Variants in NAV2 observed in about 807,000 individuals in gnomAD.
The protein encoded by NAV2 is helicase, APC down-regulated 1.
NAV2 carries 54 observed loss-of-function variants against 223.2 expected under a neutral mutation model. That is an observed-to-expected ratio of 0.24 (90% CI 0.19 to 0.30). The LOEUF is 0.30. Among genes scored for constraint, NAV2 ranks in the 10% least tolerant of loss-of-function variants. The probability of loss-of-function intolerance (pLI) is 1.00; values close to 1 mark genes in which losing one functional copy is unlikely to be tolerated. For missense variants in NAV2, 2,806 were observed against 3,147.5 expected, an observed-to-expected ratio of 0.89 and a Z score of 2.60; for synonymous variants, 1,279 against 1,239.3, an observed-to-expected ratio of 1.03 and a Z score of -0.67.
At chr11:20,006,266 A>G (rs541576827) in intron 11 of NAV2, among the ~76,000 whole-genome samples, 65 of 152,278 alleles carry the variant, frequency 4.3e-4, no homozygotes, top group African/African-American at 1.6e-3. Context: ...TATTCTGGAG[A>G]TAAGGGCCTC....
chr11:19,674,542 G>A (rs2048663865), intron 1 of NAV2, among the ~76,000 whole-genome samples: 1 of 152,194 alleles, frequency 6.6e-6, no homozygotes, highest in Non-Finnish European at 1.5e-5. Flanking sequence ...CTCAAGTGTT[G>A]TCACGGGCCA....
intron 12 of NAV2, among the ~76,000 whole-genome samples, chr11:20,039,127 G>A (rs1043367772): frequency 8.5e-5 from 13 of 152,188 alleles, no homozygotes; most frequent in Non-Finnish European, 1.6e-4. Context: ...CTCCAGGAGA[G>A]CTGGTGAGTC....
chr11:19,592,581 A>G lies in NAV2; in HGVS notation c.76-239903A>G, dbSNP rs529505378. On this transcript the variant is annotated intron_variant, in intron 1 of 37. Transcript: ENST00000360655. ...GTTGAATGTTTGGGGGAAGTCCATG[A>G]ACTTGGGCTTTTTAATTCCTAGGTC... Among the ~76,000 whole-genome samples, 6 of 152,218 alleles carry G rather than the reference A, an allele frequency of 3.9e-5. No individual in the cohort carries two copies. In the East Asian group the frequency reaches 1.2e-3, roughly 29 times the overall value.
At chr11:19,910,172 A>G (rs986137737) in intron 6 of NAV2, among the ~76,000 whole-genome samples, 10 of 152,370 alleles carry the variant, frequency 6.6e-5, no homozygotes, top group South Asian at 6.2e-4. Flanking sequence ...GGCCTACATT[A>G]TGCAGCTAAG....
At chr11:19,719,846 T>C (rs911444385) in intron 1 of NAV2, among the ~76,000 whole-genome samples, 2 of 152,218 alleles carry the variant, frequency 1.3e-5, no homozygotes, top group Admixed American at 1.3e-4. Flanking sequence ...ATGCCATCTT[T>C]ATAACAGTAA....
intron 1 of NAV2, among the ~76,000 whole-genome samples, chr11:19,586,883 G>C (rs188314525): frequency 9.2e-5 from 14 of 152,326 alleles, no homozygotes; most frequent in Non-Finnish European, 1.5e-4. Context: ...CGTGCTGTGG[G>C]AACCACTACT....
chr11:19,633,729 C>G (rs2047411229), intron 1 of NAV2, among the ~76,000 whole-genome samples: 3 of 152,206 alleles, frequency 2.0e-5, no homozygotes, highest in African/African-American at 7.2e-5. Flanking sequence ...TCTGCAGGGT[C>G]TAGCCACCGG....
In NAV2 at chr11:19,412,861, C is replaced by A. The variant is rs1036887892; in HGVS notation, c.75+61834C>A. Among the ~76,000 whole-genome samples, 3 of 152,192 alleles carry A rather than the reference C, an allele frequency of 2.0e-5. No individual in the cohort carries two copies. In the South Asian group the frequency reaches 6.2e-4, roughly 32 times the overall value. ...GACCGTTAGAAGGCAAACTAACAAACAGAAAGGAATAGCATCAACATTAAC... is the reference window on the plus strand; with the variant it reads ...GACCGTTAGAAGGCAAACTAACAAAAAGAAAGGAATAGCATCAACATTAAC... On this transcript the variant is annotated intron_variant, in intron 1 of 37. Transcript: ENST00000360655.
intron 1 of NAV2, among the ~76,000 whole-genome samples, chr11:19,596,409 C>T (rs1408991718): frequency 1.3e-5 from 2 of 152,216 alleles, no homozygotes; most frequent in East Asian, 3.9e-4. Context: ...AAGCCAGCTC[C>T]TCCTTGGGAG....
chr11:19,418,543 G>T (rs1850475388), intron 1 of NAV2, among the ~76,000 whole-genome samples: 1 of 152,190 alleles, frequency 6.6e-6, no homozygotes, highest in Non-Finnish European at 1.5e-5. Flanking sequence ...TCCAGACAGA[G>T]CGATCAGCAT....
chr11:19,549,629 C>T (rs2044624496), intron 1 of NAV2, among the ~76,000 whole-genome samples: 1 of 152,220 alleles, frequency 6.6e-6, no homozygotes, highest in Non-Finnish European at 1.5e-5. Flanking sequence ...AAAAGGACCC[C>T]AGCTCAGAAG....
At chr11:19,614,359 G>A (rs915113226) in intron 1 of NAV2, among the ~76,000 whole-genome samples, 1 of 152,148 alleles carries the variant, frequency 6.6e-6, no homozygotes, top group Non-Finnish European at 1.5e-5. Context: ...GTGGTAGCGT[G>A]TGCCTTTCTT....
At chr11:19,565,028 G>A (rs2045223479) in intron 1 of NAV2, among the ~76,000 whole-genome samples, 1 of 152,122 alleles carries the variant, frequency 6.6e-6, no homozygotes, top group Non-Finnish European at 1.5e-5. Flanking sequence ...CCAGCTACTC[G>A]GGAGGCTGAG....
intron 1 of NAV2, among the ~76,000 whole-genome samples, chr11:19,489,192 A>G (rs2042542995): frequency 6.6e-6 from 1 of 152,250 alleles, no homozygotes; most frequent in South Asian, 2.1e-4. Context: ...CTGTGAAGAT[A>G]CAAGGTCCCA....
rs367692531 is a variant in NAV2, at chr11:19,707,586, C to T, written c.76-124898C>T. 3.3e-5 allele frequency among the ~76,000 whole-genome samples: 5 copies of T among 152,272 alleles called. No individual in the cohort carries two copies. The East Asian group carries it at 9.6e-4, about 29-fold the overall frequency. ...CCAACAATGCCTTCTGGAATACCTC[C>T]TGAAGGACCTGCCTGAGACTGTTTT... On this transcript the variant is annotated intron_variant, in intron 1 of 37. Transcript: ENST00000360655.
intron 10 of NAV2, among the ~76,000 whole-genome samples, chr11:19,967,572 C>G (rs952086730): frequency 6.6e-6 from 1 of 152,044 alleles, no homozygotes; most frequent in African/African-American, 2.4e-5. Flanking sequence ...TTTTTATTGC[C>G]TAGACACCAA....
At chr11:19,845,930 G>A in intron 3 of NAV2, among the ~76,000 whole-genome samples, 1 of 152,184 alleles carries the variant, frequency 6.6e-6, no homozygotes. Context: ...ATACACAGGT[G>A]ACCAAGATGT....
intron 1 of NAV2, among the ~76,000 whole-genome samples, chr11:19,462,725 C>G (rs1852210142): frequency 6.6e-6 from 1 of 152,202 alleles, no homozygotes; most frequent in East Asian, 1.9e-4. Flanking sequence ...GGAAGAGCAT[C>G]CTTAGCCTCC....
chr11:19,901,545 A>G (rs1268100518), intron 6 of NAV2, among the ~76,000 whole-genome samples: 1 of 152,160 alleles, frequency 6.6e-6, no homozygotes, highest in East Asian at 1.9e-4. Context: ...AGAAAAGAGA[A>G]CACTCCCTTT....
Sources: allele counts gnomAD v4.1 joint callset (sites outside exome capture counted in the v4.1 genomes callset), GRCh38; gene constraint gnomAD v4.1.1; transcripts MANE v1.5; gene names NCBI Gene and HGNC (gene_info 2026-07-23, HGNC 2026-07-21).